ENTREP2: variants seen among roughly 807,000 people sequenced by gnomAD.
ENTREP2 encodes protein ENTREP2.
the ENTREP2 span, among the ~76,000 whole-genome samples, chr15:29,544,368 G>A: frequency 3.3e-5 from 5 of 152,184 alleles, no homozygotes; most frequent in Admixed American, 6.6e-5. Context: ...AAATGTTGAA[G>A]GGGTACAGAG....
chr15:29,134,240 C>T, the ENTREP2 span, among the ~76,000 whole-genome samples: 1 of 152,198 alleles, frequency 6.6e-6, no homozygotes, highest in East Asian at 1.9e-4. Context: ...ATAAAAACAC[C>T]TAAGAACATC....
the ENTREP2 span, among the ~76,000 whole-genome samples, chr15:29,605,218 G>C: frequency 1.3e-5 from 2 of 152,138 alleles, no homozygotes; most frequent in African/African-American, 2.4e-5. Context: ...AGATTGTCAG[G>C]CTCTTTGAGA....
the ENTREP2 span, chr15:29,233,809 T>C: frequency 6.4e-7 from 1 of 1,571,992 alleles, no homozygotes; most frequent in Non-Finnish European, 8.8e-7. Flanking sequence ...ACTGCCTTTG[T>C]TCACTGTCTG....
chr15:29,201,666 T>C, the ENTREP2 span, among the ~76,000 whole-genome samples: 1 of 152,194 alleles, frequency 6.6e-6, no homozygotes, highest in Non-Finnish European at 1.5e-5. Flanking sequence ...TATGTTGAAT[T>C]TTATTCGTTA....
the ENTREP2 span, among the ~76,000 whole-genome samples, chr15:29,665,970 C>T: frequency 7.9e-5 from 12 of 151,080 alleles, no homozygotes; most frequent in Middle Eastern, 6.9e-3. Flanking sequence ...TCTTGTGCCT[C>T]AGCCTCCTGA....
At chr15:29,381,065 C>A in the ENTREP2 span, among the ~76,000 whole-genome samples, 9 of 151,186 alleles carry the variant, frequency 6.0e-5, no homozygotes, top group Admixed American at 2.6e-4. Context: ...GTTGGCCAGG[C>A]TGGTCTCGAG....
the ENTREP2 span, chr15:29,267,609 A>G: frequency 1.3e-5 from 2 of 152,110 alleles, no homozygotes; most frequent in Non-Finnish European, 2.9e-5. Flanking sequence ...CTTATGTTCT[A>G]TGTGGGGCAC....
chr15:29,334,193 G>A, the ENTREP2 span, among the ~76,000 whole-genome samples: 2 of 152,194 alleles, frequency 1.3e-5, no homozygotes, highest in Non-Finnish European at 2.9e-5. Flanking sequence ...GTTTTACAGA[G>A]ATGTTCCAGC....
the ENTREP2 span, among the ~76,000 whole-genome samples, chr15:29,456,087 T>C: frequency 6.6e-6 from 1 of 152,186 alleles, no homozygotes; most frequent in Non-Finnish European, 1.5e-5. Flanking sequence ...TGAATCATCC[T>C]GAAACCATCC....
the ENTREP2 span, among the ~76,000 whole-genome samples, chr15:29,470,289 G>A: frequency 1.3e-5 from 2 of 152,214 alleles, no homozygotes; most frequent in African/African-American, 4.8e-5. Context: ...TCCTGAGGCA[G>A]TGCCAGCCCA....
At chr15:29,402,098 T>C in the ENTREP2 span, among the ~76,000 whole-genome samples, 12 of 152,208 alleles carry the variant, frequency 7.9e-5, no homozygotes, top group South Asian at 1.0e-3. Flanking sequence ...CTGCATACCA[T>C]TGAACCTAGA....
chr15:29,531,935 GGATT>G, the ENTREP2 span, among the ~76,000 whole-genome samples: 5 of 152,190 alleles, frequency 3.3e-5, no homozygotes, highest in Non-Finnish European at 7.3e-5. Context: ...CAAAGGGCTA[GGATT>G]ACAGGCGTGA....
At chr15:29,274,806 C>T in the ENTREP2 span, among the ~76,000 whole-genome samples, 2 of 152,280 alleles carry the variant, frequency 1.3e-5, no homozygotes, top group South Asian at 2.1e-4. Flanking sequence ...TTAAGTTTTA[C>T]AGGACACAGG....
chr15:29,135,700 C>G, the ENTREP2 span, among the ~76,000 whole-genome samples: 2 of 152,198 alleles, frequency 1.3e-5, no homozygotes, highest in Non-Finnish European at 2.9e-5. The surrounding 1 kb of genome is among the most constrained non-coding windows in gnomAD (Gnocchi z 7.4). Context: ...CACGAACATA[C>G]TGCCTGTCAC....
chr15:29,372,790 A>G, the ENTREP2 span, among the ~76,000 whole-genome samples: 1 of 152,192 alleles, frequency 6.6e-6, no homozygotes, highest in Non-Finnish European at 1.5e-5. Flanking sequence ...TAGATTCATT[A>G]CACAAAATAA....
the ENTREP2 span, among the ~76,000 whole-genome samples, chr15:29,648,126 T>A: frequency 6.6e-6 from 1 of 152,190 alleles, no homozygotes; most frequent in South Asian, 2.1e-4. Context: ...ATTTGGCACA[T>A]TTCCTTTAGC....
chr15:29,224,573 C>T, the ENTREP2 span, among the ~76,000 whole-genome samples: 2 of 152,130 alleles, frequency 1.3e-5, no homozygotes, highest in African/African-American at 4.8e-5. Context: ...CACAAAAGTT[C>T]TCCACCTCCT....
chr15:29,375,338 C>T, the ENTREP2 span: 47 of 152,328 alleles, frequency 3.1e-4, no homozygotes, highest in African/African-American at 1.0e-3. Context: ...GTTTCTCTAC[C>T]TACATGCAAG....
At chr15:29,319,214 T>C in the ENTREP2 span, among the ~76,000 whole-genome samples, 1 of 152,232 alleles carries the variant, frequency 6.6e-6, no homozygotes, top group African/African-American at 2.4e-5. Context: ...AACGGAAATC[T>C]GAAGGCTTCC....
Sources: allele counts gnomAD v4.1 joint callset (sites outside exome capture counted in the v4.1 genomes callset), GRCh38; gene constraint gnomAD v4.1.1; non-coding constraint Gnocchi (gnomAD v3.1); transcripts MANE v1.5; gene names NCBI Gene and HGNC (gene_info 2026-07-23, HGNC 2026-07-21).